The following PICALM variants were observed in gnomAD, a reference collection of about 807,000 sequenced individuals.
PICALM encodes phosphatidylinositol binding clathrin assembly protein, also known as phosphatidylinositol-binding clathrin assembly protein.
In PICALM, 40 loss-of-function variants were observed where a neutral mutation model predicts 80.5. The observed-to-expected ratio is 0.50, with a 90% confidence interval of 0.39 to 0.65. PICALM has a LOEUF of 0.65. PICALM is among the 30% of genes least tolerant of loss of function. The probability of loss-of-function intolerance (pLI) is 0.00; values close to 1 mark genes in which losing one functional copy is unlikely to be tolerated. For synonymous variants in PICALM, 288 were observed against 260.3 expected, an observed-to-expected ratio of 1.11 and a Z score of -1.02; for missense variants, 676 against 778.9, an observed-to-expected ratio of 0.87 and a Z score of 1.57.
intron 19 of PICALM, among the ~76,000 whole-genome samples, chr11:85,973,666 G>A (rs1157685538): frequency 6.6e-6 from 1 of 152,124 alleles, no homozygotes; most frequent in East Asian, 1.9e-4. Flanking sequence ...GGACTACCGT[G>A]CACAGAGACT....
chr11:86,004,050 T>C (rs549688548), intron 8 of PICALM, among the ~76,000 whole-genome samples: 6 of 152,330 alleles, frequency 3.9e-5, no homozygotes, highest in African/African-American at 7.2e-5. Context: ...CAAAGTTAAA[T>C]ACACACCTAC....
intron 11 of PICALM, 24 bp downstream of exon 11, chr11:86,000,619 G>A (rs775392289): frequency 6.3e-7 from 1 of 1,592,616 alleles, no homozygotes; most frequent in Non-Finnish European, 8.5e-7. Context: ...CATATTCAAA[G>A]GTAACCTTAA....
intron 1 of PICALM, among the ~76,000 whole-genome samples, chr11:86,062,348 C>T (rs2096381498): frequency 6.6e-6 from 1 of 152,126 alleles, no homozygotes; most frequent in African/African-American, 2.4e-5. Context: ...GAAGCCCCAT[C>T]TCTATCAAAA....
intron 19 of PICALM, among the ~76,000 whole-genome samples, chr11:85,974,118 G>A (rs1368621056): frequency 6.6e-6 from 1 of 152,090 alleles, no homozygotes; most frequent in Non-Finnish European, 1.5e-5. Context: ...GTATTTTCAG[G>A]AACTAGGAGA....
chr11:86,000,793 G>A lies in PICALM; in HGVS notation c.1018-14C>T. 6.2e-7 allele frequency: 1 copy of A among 1,610,982 alleles called. No homozygotes were observed. Among genetic ancestry groups the A allele is most frequent in the Non-Finnish European group, 8.5e-7 (1 of 1,179,376 alleles). On this transcript the variant is annotated splice_polypyrimidine_tract_variant and intron_variant, in intron 10 of 19. Transcript: ENST00000393346. ...TAGGCGCTGTTCCTGTTAAGAAAGG[G>A]AACTACCATAAGGATTCCAGAAACC... is the stretch of plus-strand genomic sequence containing the variant.
intron 19 of PICALM, among the ~76,000 whole-genome samples, chr11:85,969,399 G>A (rs2094022997): frequency 6.6e-6 from 1 of 152,128 alleles, no homozygotes; most frequent in Non-Finnish European, 1.5e-5. Context: ...AATTAGATTT[G>A]ATTAAAAGAT....
At chr11:86,008,877 G>A (rs2095331309) in intron 7 of PICALM, among the ~76,000 whole-genome samples, 1 of 144,266 alleles carries the variant, frequency 6.9e-6, no homozygotes, top group African/African-American at 2.6e-5. Context: ...AGGATAGCTT[G>A]AGCCCAGGAG....
intron 1 of PICALM, among the ~76,000 whole-genome samples, chr11:86,051,786 T>A (rs887609907): frequency 6.6e-6 from 1 of 152,250 alleles, no homozygotes. Context: ...AAGTTTTCTG[T>A]GAGCTAAGAA....
intron 19 of PICALM, among the ~76,000 whole-genome samples, chr11:85,959,584 G>C (rs938273591): frequency 9.7e-5 from 13 of 134,704 alleles, no homozygotes; most frequent in Admixed American, 1.7e-4. Flanking sequence ...AGTGAGCTGA[G>C]ATCGTGCCAC....
intron 1 of PICALM, among the ~76,000 whole-genome samples, chr11:86,063,961 ATCT>A (rs2096407198): frequency 6.6e-6 from 1 of 152,138 alleles, no homozygotes; most frequent in South Asian, 2.1e-4. Flanking sequence ...CCTTACATGC[ATCT>A]TCTTAGAAAT....
chr11:86,018,047 AT>A (rs1375089931), intron 4 of PICALM, among the ~76,000 whole-genome samples: 4 of 152,164 alleles, frequency 2.6e-5, no homozygotes, highest in South Asian at 2.1e-4. Context: ...AAGTAATATT[AT>A]TTTTTAAAAG....
intron 17 of PICALM, chr11:85,978,103 C>T (rs747939914): frequency 1.1e-5 from 17 of 1,610,578 alleles, no homozygotes; most frequent in Non-Finnish European, 1.4e-5. Flanking sequence ...TCTGTTTTTC[C>T]CAGGGAGAAC....
chr11:85,961,161 T>C (rs1413284860), intron 19 of PICALM, among the ~76,000 whole-genome samples: 3 of 152,226 alleles, frequency 2.0e-5, no homozygotes, highest in Non-Finnish European at 4.4e-5. Context: ...GTTTCCTGTG[T>C]CCAGGCTATC....
chr11:86,042,655 A>G (rs2095994769), intron 1 of PICALM, among the ~76,000 whole-genome samples: 1 of 65,486 alleles, frequency 1.5e-5, no homozygotes, highest in Admixed American at 2.0e-4. Context: ...TATCATCAGG[A>G]CTCTCAAAAA....
intron 1 of PICALM, among the ~76,000 whole-genome samples, chr11:86,066,517 C>A (rs2096450177): frequency 6.6e-6 from 1 of 152,112 alleles, no homozygotes; most frequent in South Asian, 2.1e-4. Flanking sequence ...GTGGCTATAA[C>A]AAGAGAAATA....
intron 19 of PICALM, chr11:85,960,545 G>T: frequency 2.6e-6 from 1 of 387,500 alleles, no homozygotes; most frequent in Non-Finnish European, 4.9e-6. Flanking sequence ...AAAGAATAGA[G>T]GAAGAGGAGG....
chr11:85,978,142 G>C, intron 17 of PICALM: 3 of 1,490,192 alleles, frequency 2.0e-6, no homozygotes, highest in Non-Finnish European at 2.8e-6. Context: ...CACTGGATTA[G>C]AACAAGTACT....
intron 9 of PICALM, 38 bp from the exon 10 acceptor site, chr11:86,001,196 A>C: frequency 6.2e-7 from 1 of 1,605,166 alleles, no homozygotes; most frequent in Non-Finnish European, 8.5e-7. Flanking sequence ...GCTTTTTGCT[A>C]AACACTTCAC....
At position 85,957,851 on chromosome 11, in the gene PICALM, C is replaced by A. The variant is rs2093572595; in HGVS notation, c.*1195G>T. On this transcript the variant is annotated 3_prime_UTR_variant, in exon 20 of 20. Transcript: ENST00000393346. Reference sequence around the variant, plus strand: ...TGTCCTTCTTAAGGCCCCTCTCCACCCAAATGTTAAAGATGTATTTACACA... The same window carrying A: ...TGTCCTTCTTAAGGCCCCTCTCCACACAAATGTTAAAGATGTATTTACACA... The A allele has an allele frequency of 4.5e-6, 1 of 223,998 alleles. No individual in the cohort carries two copies. The highest frequency in any genetic ancestry group is 1.8e-4 in the South Asian group (1 of 5,440). The allele number at this position is 223,998 out of a possible 1,614,324, so 13.9% of individuals were successfully genotyped here.
Sources: gnomAD v4.1 joint callset for allele counts (sites outside exome capture counted in the v4.1 genomes callset) on GRCh38, gnomAD v4.1.1 for gene constraint, MANE v1.5 for transcripts, NCBI Gene and HGNC (gene_info 2026-07-23, HGNC 2026-07-21) for gene names.